The following PUM1 variants were observed in gnomAD, a reference collection of about 807,000 sequenced individuals.
PUM1 encodes pumilio RNA binding family member 1, also known as pumilio homolog 1.
PUM1 carries 13 observed loss-of-function variants against 131.8 expected under a neutral mutation model. That is an observed-to-expected ratio of 0.10 (90% CI 0.06 to 0.16). The LOEUF (loss-of-function observed/expected upper bound fraction) is 0.16. PUM1 is among the 10% of genes least tolerant of loss of function. The probability of loss-of-function intolerance (pLI) is 1.00; values close to 1 mark genes in which losing one functional copy is unlikely to be tolerated. For synonymous variants in PUM1, 509 were observed against 556.5 expected, an observed-to-expected ratio of 0.91 and a Z score of 1.20; for missense variants, 961 against 1,512.4, an observed-to-expected ratio of 0.64 and a Z score of 6.05.
rs188928109 is a variant in PUM1 at position 31,055,525 on chromosome 1, T to C, written c.363+3679A>G. On this transcript the variant is annotated intron_variant, in intron 2 of 21. Transcript: ENST00000426105. ...TGGTCCACAACTGCAATATACCAAC[T>C]ACCCTGAGTTCCCCAACGTTGTTCA... 1.3e-4 allele frequency: 47 copies of C among 367,444 alleles called. No homozygotes were observed. The East Asian group carries it at 1.5e-3, about 12-fold the overall frequency. 22.8% of individuals were successfully genotyped at this position (367,444 alleles called of 1,614,324 possible).
At chr1:30,997,629 G>C (rs964517298) in intron 5 of PUM1, among the ~76,000 whole-genome samples, 1 of 151,998 alleles carries the variant, frequency 6.6e-6, no homozygotes, top group Non-Finnish European at 1.5e-5. Context: ...TCTTTCCTCA[G>C]GGGCTCTTCA....
At chr1:30,944,696 T>C (rs1557546598) in intron 18 of PUM1, among the ~76,000 whole-genome samples, 1 of 152,252 alleles carries the variant, frequency 6.6e-6, no homozygotes, top group African/African-American at 2.4e-5. Flanking sequence ...GTAAATTACC[T>C]GAATTTTAAA....
intron 3 of PUM1, among the ~76,000 whole-genome samples, chr1:31,023,746 TG>T (rs60579360): frequency 0.3 from 46,253 of 151,738 alleles, 7,368 homozygotes; most frequent in Non-Finnish European, 0.34. Flanking sequence ...CTGGCCAACA[TG>T]GTGAAACCCC....
chr1:31,023,794 T>C (rs899372622), intron 3 of PUM1, among the ~76,000 whole-genome samples: 1 of 151,878 alleles, frequency 6.6e-6, no homozygotes, highest in African/African-American at 2.4e-5. Context: ...GGGTGTGTGG[T>C]GGTGCACATC....
chr1:30,967,063 T>C (rs1484407991), intron 12 of PUM1, 104 bp downstream of exon 12: 7 of 1,376,784 alleles, frequency 5.1e-6, no homozygotes, highest in South Asian at 3.8e-5. Context: ...GTAGAACCGA[T>C]ATACTGAGAA....
rs1191169134 is a variant in PUM1 at position 31,007,148 on chromosome 1, T to G, written c.433-46A>C. 2.1e-6 allele frequency: 3 copies of G among 1,416,650 alleles called. No homozygotes were observed. In the East Asian group the frequency reaches 6.8e-5, roughly 32 times the overall value. 87.8% of individuals were successfully genotyped at this position (1,416,650 alleles called of 1,614,324 possible). A position where few individuals can be genotyped will look rare whatever the true frequency, so the allele number is the denominator to read the frequency against. On this transcript the variant is annotated intron_variant, in intron 3 of 21. Coordinates refer to ENST00000426105, the MANE Select transcript of PUM1 (RefSeq NM_001020658.2). Reference sequence around the variant, plus strand: ...ATGCTTTTAAAGAATTCATAAAGGATGAAAGTACAGCAGTCAACACTTTCT... The same window carrying G: ...ATGCTTTTAAAGAATTCATAAAGGAGGAAAGTACAGCAGTCAACACTTTCT...
At chr1:31,010,591 GAA>G (rs1178849371) in intron 3 of PUM1, among the ~76,000 whole-genome samples, 3 of 152,102 alleles carry the variant, frequency 2.0e-5, no homozygotes, top group Admixed American at 6.5e-5. Flanking sequence ...GCTTCCCACT[GAA>G]CTCTGCCTCT....
chr1:30,987,903 T>C (rs910283338), intron 7 of PUM1, among the ~76,000 whole-genome samples: 1 of 152,256 alleles, frequency 6.6e-6, no homozygotes, highest in Non-Finnish European at 1.5e-5. Flanking sequence ...TATACTTTCA[T>C]GTTACTTTAC....
At chr1:31,030,198 G>C (rs1162545197) in intron 2 of PUM1, among the ~76,000 whole-genome samples, 1 of 151,610 alleles carries the variant, frequency 6.6e-6, no homozygotes, top group African/African-American at 2.4e-5. Context: ...GACAGAGCGA[G>C]ATTCTGTCTC....
chr1:31,038,984 A>ATATATATATTTTTTTTTTT, intron 2 of PUM1, among the ~76,000 whole-genome samples: 5 of 49,414 alleles, frequency 1.0e-4, no homozygotes, highest in East Asian at 1.3e-3. Flanking sequence ...ATATATATAT[A>ATATATATATTTTTTTTTTT]TTTTTTTTTT....
At chr1:31,053,017 C>CT (rs1192239160) in intron 2 of PUM1, among the ~76,000 whole-genome samples, 1,647 of 131,044 alleles carry the variant, frequency 0.013, 24 homozygotes, top group African/African-American at 0.034. Flanking sequence ...TATCCATCAT[C>CT]TTTTTTTTTT....
chr1:30,995,442 CA>C (rs1332228511), intron 5 of PUM1, among the ~76,000 whole-genome samples: 2 of 152,142 alleles, frequency 1.3e-5, no homozygotes, highest in Admixed American at 1.3e-4. Context: ...GAGTTCAGAA[CA>C]GTCTTACTAT....
In PUM1 at chr1:31,033,830, G is replaced by C. The variant is rs145944808; in HGVS notation, c.364-4966C>G. ...GCTAATTGTTTTTAATTTTTTTGTA[G>C]AGACAAGGTTTCACTATGTCATCTA... On this transcript the variant is annotated intron_variant, in intron 2 of 21. Transcript: ENST00000426105. Among the ~76,000 whole-genome samples the C allele has an allele frequency of 7.1e-4, 108 of 151,982 alleles. 1 individual carries two copies. Among genetic ancestry groups the C allele is most frequent in the African/African-American group, 2.2e-3 (93 of 41,452 alleles).
chr1:31,005,177 G>A (rs1354076606), intron 5 of PUM1, among the ~76,000 whole-genome samples: 2 of 152,176 alleles, frequency 1.3e-5, no homozygotes, highest in Non-Finnish European at 2.9e-5. Context: ...GGCTATCACA[G>A]ATGCTCATAG....
chr1:30,938,896 TAGATAGATAGACAGACAGAC>T lies in PUM1; in HGVS notation c.3243-2081_3243-2062del, dbSNP rs1160404433. ...AGATAGAGATAGATAGATAGATAGA[TAGATAGATAGACAGACAGAC>T]AGACAGACAGACAGACAGACAGACA... On this transcript the variant is annotated intron_variant, in intron 20 of 21. Coordinates refer to ENST00000426105, the MANE Select transcript of PUM1 (RefSeq NM_001020658.2). Among the ~76,000 whole-genome samples, 323 of 110,284 alleles carry T rather than the reference TAGATAGATAGACAGACAGAC, an allele frequency of 2.9e-3. 1 individual carries two copies. The highest frequency in any genetic ancestry group is 8.4e-3 in the African/African-American group (297 of 35,434). The allele number at this position is 110,284 out of a possible 152,430, so 72.4% of individuals were successfully genotyped here. A position where few individuals can be genotyped will look rare whatever the true frequency, so the allele number is the denominator to read the frequency against.
At chr1:30,999,891 T>C (rs949721618) in intron 5 of PUM1, among the ~76,000 whole-genome samples, 26 of 152,230 alleles carry the variant, frequency 1.7e-4, no homozygotes, top group African/African-American at 6.3e-4. Context: ...AATAAAAATC[T>C]TAAATGTCCC....
At chr1:31,060,845 C>T (rs893607874) in intron 1 of PUM1, among the ~76,000 whole-genome samples, 1 of 151,314 alleles carries the variant, frequency 6.6e-6, no homozygotes, top group Admixed American at 6.6e-5. Flanking sequence ...AAGATCGCAC[C>T]ACTGCACTCC....
intron 3 of PUM1, among the ~76,000 whole-genome samples, chr1:31,016,644 C>T (rs1642828604): frequency 6.6e-6 from 1 of 152,130 alleles, no homozygotes; most frequent in African/African-American, 2.4e-5. Flanking sequence ...TAAGAATCAA[C>T]ATCTCCAATA....
At chr1:30,969,316 CAAAAAAA>C (rs763999971) in intron 10 of PUM1, among the ~76,000 whole-genome samples, 18 of 51,206 alleles carry the variant, frequency 3.5e-4, no homozygotes, top group Admixed American at 8.4e-4. Context: ...AACACACACA[CAAAAAAA>C]AAAAAAAAAA....
Sources: gnomAD v4.1 joint callset for allele counts (sites outside exome capture counted in the v4.1 genomes callset) on GRCh38, gnomAD v4.1.1 for gene constraint, MANE v1.5 for transcripts, NCBI Gene and HGNC (gene_info 2026-07-23, HGNC 2026-07-21) for gene names.